The following KDM3A variants were observed in gnomAD, a reference collection of about 807,000 sequenced individuals.
KDM3A encodes the protein lysine-specific demethylase 3A.
A neutral mutation model predicts 158.0 loss-of-function variants in KDM3A; 60 were observed. That is an observed-to-expected ratio of 0.38 (90% confidence interval 0.31 to 0.47). The LOEUF is 0.47. Ranked by LOEUF, KDM3A falls within the 20% of genes least tolerant of loss-of-function variation. The probability of loss-of-function intolerance (pLI) is 0.99; values close to 1 mark genes in which losing one functional copy is unlikely to be tolerated. For missense variants in KDM3A, 1,319 were observed against 1,574.3 expected (o/e 0.84, Z 2.74); for synonymous variants, 608 against 549.3 (o/e 1.11, Z -1.49).
chr2:86,456,643 G>A (rs979353137), intron 6 of KDM3A, 77 bp downstream of exon 6: 3 of 1,393,216 alleles, frequency 2.2e-6, no homozygotes, highest in African/African-American at 1.5e-5. Flanking sequence ...GATTTTCTAG[G>A]CACTAAATAC....
Position 86,462,158 on chromosome 2 carries a change from G to C in KDM3A, c.844-1895G>C, listed in dbSNP as rs553477011. Among the ~76,000 whole-genome samples the C allele has an allele frequency of 1.5e-4, 23 of 151,894 alleles. 1 individual carries two copies. The highest frequency in any genetic ancestry group is 2.5e-4 in the Non-Finnish European group (17 of 67,958). ...ATACATACTTTGCAAATAGAGGCAA[G>C]ATTTATTGGTTTATTGATTACATAT... On this transcript the variant is annotated intron_variant, in intron 8 of 25. Coordinates refer to ENST00000312912, the MANE Select transcript of KDM3A (RefSeq NM_018433.6).
chr2:86,460,098 T>TC (rs985746841), intron 8 of KDM3A, among the ~76,000 whole-genome samples: 5 of 152,282 alleles, frequency 3.3e-5, no homozygotes, highest in Admixed American at 3.3e-4. Flanking sequence ...AAGAATAGAA[T>TC]CATCACTTGT....
At chr2:86,470,524 A>G in intron 11 of KDM3A, 116 bp downstream of exon 11, 1 of 783,526 alleles carries the variant, frequency 1.3e-6, no homozygotes, top group African/African-American at 1.7e-5. Flanking sequence ...AAGGTGGTAG[A>G]TGTTGCATTT....
At chr2:86,462,696 T>C (rs1056083238) in intron 8 of KDM3A, among the ~76,000 whole-genome samples, 4 of 152,224 alleles carry the variant, frequency 2.6e-5, no homozygotes, top group Admixed American at 6.5e-5. Context: ...TTTTCAGATA[T>C]ATCTGTATAT....
At chr2:86,448,862 T>C (rs1450961471) in intron 2 of KDM3A, among the ~76,000 whole-genome samples, 1 of 152,180 alleles carries the variant, frequency 6.6e-6, no homozygotes, top group Non-Finnish European at 1.5e-5. Context: ...ATTGGTAGAA[T>C]ACAAAAAGCA....
intron 21 of KDM3A, chr2:86,487,894 G>GCTC (rs1312549962): frequency 8.2e-6 from 1 of 121,482 alleles, no homozygotes; most frequent in African/African-American, 2.7e-5. Context: ...TTATTTCCTT[G>GCTC]CTCGTTTTGC....
intron 14 of KDM3A, among the ~76,000 whole-genome samples, 162 bp from the exon 15 acceptor site, chr2:86,478,445 TA>T (rs1386794203): frequency 6.6e-6 from 1 of 152,166 alleles, no homozygotes; most frequent in Admixed American, 6.5e-5. Context: ...GATAGTTTTG[TA>T]GTAGAAAAGA....
At chr2:86,467,614 T>TA (rs761079523) in intron 10 of KDM3A, among the ~76,000 whole-genome samples, 6 of 152,222 alleles carry the variant, frequency 3.9e-5, no homozygotes, top group Non-Finnish European at 7.3e-5. Context: ...GAAGCTCTGT[T>TA]ACTAGAGTTA....
intron 11 of KDM3A, 76 bp from the exon 12 acceptor site, chr2:86,474,700 G>GTTT (rs72545104): frequency 2.1e-5 from 9 of 430,484 alleles, no homozygotes; most frequent in Non-Finnish European, 7.4e-6. Context: ...TTGTAAATAA[G>GTTT]TTGTGTGTGT....
intron 12 of KDM3A, among the ~76,000 whole-genome samples, chr2:86,475,576 A>G (rs1331105562): frequency 6.6e-6 from 1 of 152,204 alleles, no homozygotes; most frequent in African/African-American, 2.4e-5. Flanking sequence ...TAGGTGGCAC[A>G]TTAGAGCCAG....
At chr2:86,439,887 T>G (rs1682593406), upstream of KDM3A, among the ~76,000 whole-genome samples, 1 of 152,178 alleles carries the variant, frequency 6.6e-6, no homozygotes, top group Non-Finnish European at 1.5e-5. Context: ...ATTAAATATT[T>G]TAGCCCAGTA....
intron 3 of KDM3A, 76 bp downstream of exon 3, chr2:86,450,038 A>G (rs1672376439): frequency 7.0e-7 from 1 of 1,424,096 alleles, no homozygotes; most frequent in Non-Finnish European, 9.4e-7. Context: ...GGAATATGTA[A>G]ATGTAATGCC....
At chr2:86,467,203 G>A (rs761549039) in intron 10 of KDM3A, 87 of 178,274 alleles carry the variant, frequency 4.9e-4, no homozygotes, top group Non-Finnish European at 8.7e-4. Flanking sequence ...ATTTACCATA[G>A]GATTTAACTG....
intron 8 of KDM3A, 43 bp downstream of exon 8, chr2:86,457,114 C>T: frequency 1.2e-6 from 1 of 808,660 alleles, no homozygotes; most frequent in Non-Finnish European, 1.8e-6. Flanking sequence ...TTCCTTAACT[C>T]CAACATTGCA....
Position 86,492,264 on chromosome 2 carries a change from T to A in KDM3A, c.*145T>A. 1.6e-6 allele frequency: 1 copy of A among 626,276 alleles called. No individual in the cohort carries two copies. Among genetic ancestry groups the A allele is most frequent in the Non-Finnish European group, 2.9e-6 (1 of 349,796 alleles). The allele number at this position is 626,276 out of a possible 1,614,324, so 38.8% of individuals were successfully genotyped here. A position where few individuals can be genotyped will look rare whatever the true frequency, so the allele number is the denominator to read the frequency against. On this transcript the variant is annotated 3_prime_UTR_variant, in exon 26 of 26. Coordinates refer to ENST00000312912, the MANE Select transcript of KDM3A (RefSeq NM_018433.6). Reference sequence around the variant, plus strand: ...GGGTACTCTGTCTAATGTATATTTCTAGTGTTTACAGACAGTAAATGTGTA... The same window carrying A: ...GGGTACTCTGTCTAATGTATATTTCAAGTGTTTACAGACAGTAAATGTGTA...
chr2:86,478,691 T>C lies in KDM3A; in HGVS notation c.2272T>C (p.Phe758Leu). ...KANCPCSNRQFKLFSKPASKE... is the reference protein window; with the variant it reads ...KANCPCSNRQLKLFSKPASKE... ...AAACTGCCCTTGTTCAAACAGGCAA[T>C]TCAAACTCTTTTCAAAGCCAGCCTC... The change falls in exon 15 of 26, where the codon TTC becomes CTC. Residue 758 changes from phenylalanine to leucine, a missense_variant. Phe to Leu is a conservative substitution (Grantham distance 22, BLOSUM62 0). Coordinates refer to ENST00000312912, the MANE Select transcript of KDM3A (RefSeq NM_018433.6). 2 of 1,614,126 alleles carry C rather than the reference T, an allele frequency of 1.2e-6. No homozygotes were observed. Among genetic ancestry groups the C allele is most frequent in the Non-Finnish European group, 1.7e-6 (2 of 1,179,958 alleles).
In KDM3A at chr2:86,441,744, C is replaced by G. The variant is rs1022727196; in HGVS notation, c.-30-274C>G. ...AGCACTTTCAAATCCACTCGAGCCG[C>G]AGATAATTTTTCCCTCACTCCCTCT... On this transcript the variant is annotated intron_variant, in intron 1 of 25. Transcript: ENST00000312912. Among the ~76,000 whole-genome samples the G allele has an allele frequency of 4.6e-5, 7 of 151,040 alleles. No individual in the cohort carries two copies. The East Asian group carries it at 7.8e-4, about 17-fold the overall frequency.
intron 4 of KDM3A, among the ~76,000 whole-genome samples, chr2:86,454,668 CTT>C (rs1483855917): frequency 2.0e-5 from 3 of 152,102 alleles, no homozygotes; most frequent in Admixed American, 2.0e-4. Context: ...ACATCTGTCT[CTT>C]GTGTGTCATA....
chr2:86,472,307 C>G (rs537209788), intron 11 of KDM3A, among the ~76,000 whole-genome samples: 1 of 152,062 alleles, frequency 6.6e-6, no homozygotes, highest in South Asian at 2.1e-4. Flanking sequence ...TAGTAGAAAC[C>G]AGAAGAAACT....
Sources: allele counts gnomAD v4.1 joint callset (sites outside exome capture counted in the v4.1 genomes callset), GRCh38; gene constraint gnomAD v4.1.1; transcripts MANE v1.5; gene names NCBI Gene and HGNC (gene_info 2026-07-23, HGNC 2026-07-21).